IMMP1L: variants seen among roughly 807,000 people sequenced by gnomAD.
IMMP1L encodes inner mitochondrial membrane peptidase subunit 1.
In IMMP1L, 24 loss-of-function variants were observed where a neutral mutation model predicts 21.8. That is an observed-to-expected ratio of 1.10 (90% CI 0.80 to 1.55). The LOEUF (loss-of-function observed/expected upper bound fraction) is 1.55. Ranked by LOEUF, IMMP1L falls within the 40% of genes most tolerant of loss-of-function variation. IMMP1L has a pLI of 0.00. For synonymous variants in IMMP1L, 46 were observed against 62.8 expected, an observed-to-expected ratio of 0.73 and a Z score of 1.26; for missense variants, 195 against 200.7, an observed-to-expected ratio of 0.97 and a Z score of 0.17.
intron 4 of IMMP1L, among the ~76,000 whole-genome samples, chr11:31,445,885 C>T (rs1953501035): frequency 6.6e-6 from 1 of 152,130 alleles, no homozygotes; most frequent in South Asian, 2.1e-4. Flanking sequence ...CGCATCAAAA[C>T]ACTGTTTTGA....
At chr11:31,497,760 TTTC>T (rs1285250948) in intron 1 of IMMP1L, among the ~76,000 whole-genome samples, 1 of 152,228 alleles carries the variant, frequency 6.6e-6, no homozygotes, top group African/African-American at 2.4e-5. Context: ...GGGTACAATA[TTTC>T]TTCTTGAATG....
intron 4 of IMMP1L, among the ~76,000 whole-genome samples, chr11:31,451,678 G>C (rs1953763191): frequency 6.6e-6 from 1 of 152,066 alleles, no homozygotes. Context: ...GAAGATATTA[G>C]ACAATTAGAC....
intron 1 of IMMP1L, among the ~76,000 whole-genome samples, chr11:31,467,882 A>T (rs1479106714): frequency 6.6e-6 from 1 of 151,836 alleles, no homozygotes; most frequent in Non-Finnish European, 1.5e-5. Context: ...GCATACTGAT[A>T]TCATGTGGCC....
chr11:31,497,781 A>G (rs575782374), intron 1 of IMMP1L, among the ~76,000 whole-genome samples: 4 of 152,210 alleles, frequency 2.6e-5, no homozygotes, highest in Non-Finnish European at 5.9e-5. Flanking sequence ...ATGATGAAAA[A>G]GTTTTAGAAA....
At chr11:31,435,430 A>C (rs1337060526) in intron 4 of IMMP1L, among the ~76,000 whole-genome samples, 1 of 152,222 alleles carries the variant, frequency 6.6e-6, no homozygotes, top group African/African-American at 2.4e-5. Context: ...TACCAGAATA[A>C]ACCAACAGGC....
chr11:31,460,962 C>A (rs1238106938), intron 2 of IMMP1L, among the ~76,000 whole-genome samples: 1 of 152,086 alleles, frequency 6.6e-6, no homozygotes, highest in East Asian at 1.9e-4. Context: ...AACAACATTA[C>A]CTATGTTTCC....
intron 1 of IMMP1L, among the ~76,000 whole-genome samples, chr11:31,496,091 A>C (rs1218861979): frequency 1.3e-5 from 2 of 150,760 alleles, no homozygotes; most frequent in Non-Finnish European, 2.9e-5. Flanking sequence ...GAATATATAA[A>C]GAACTCCTAT....
At chr11:31,473,644 C>A (rs1954639525) in intron 1 of IMMP1L, 1 of 447,238 alleles carries the variant, frequency 2.2e-6, no homozygotes, top group Non-Finnish European at 3.0e-6. Context: ...ATTAGAGATT[C>A]CTCCATCTTT....
chr11:31,465,615 C>T (rs917430280), intron 1 of IMMP1L, among the ~76,000 whole-genome samples: 1 of 151,842 alleles, frequency 6.6e-6, no homozygotes, highest in African/African-American at 2.4e-5. Flanking sequence ...CAATGGGACA[C>T]AATAGAGAAC....
At chr11:31,444,589 T>C (rs1468340162) in intron 4 of IMMP1L, among the ~76,000 whole-genome samples, 1 of 140,654 alleles carries the variant, frequency 7.1e-6, no homozygotes, top group African/African-American at 2.6e-5. Flanking sequence ...ATTTCTATTC[T>C]TTTTTTTTTT....
Position 31,463,320 on chromosome 11 carries a change from C to A in IMMP1L, c.-29-15G>T. 2 of 1,561,594 alleles carry A rather than the reference C, an allele frequency of 1.3e-6. No homozygotes were observed. The highest frequency in any genetic ancestry group is 1.7e-6 in the Non-Finnish European group (2 of 1,162,184). The stretch of plus-strand genomic sequence containing the variant: ...CCACCATTGGCCTGATGGTAAATTT[C>A]AAAAAGTTTCATGATCAATACTATT... On this transcript the variant is annotated splice_polypyrimidine_tract_variant and intron_variant, in intron 1 of 5. Coordinates refer to ENST00000532287, the MANE Select transcript of IMMP1L (RefSeq NM_001304274.2).
Position 31,446,831 on chromosome 11 carries a change from A to G in IMMP1L, c.321+9429T>C, listed in dbSNP as rs118046541. Among the ~76,000 whole-genome samples the G allele has an allele frequency of 4.7e-3, 712 of 152,308 alleles. 5 individuals are homozygous for G. The highest frequency in any genetic ancestry group is 8.0e-3 in the Non-Finnish European group (541 of 68,032). On this transcript the variant is annotated intron_variant, in intron 4 of 5. Coordinates refer to ENST00000532287, the MANE Select transcript of IMMP1L (RefSeq NM_001304274.2). ...CACCTGTGCCTAATTCTATTATACT[A>G]TACTGTAATTTCATCTATTCCTCCA...
chr11:31,462,423 T>TAA (rs199758188), intron 2 of IMMP1L, among the ~76,000 whole-genome samples: 9 of 144,532 alleles, frequency 6.2e-5, no homozygotes, highest in African/African-American at 2.3e-4. Flanking sequence ...AAACCTAATT[T>TAA]AAAAAAAAAA....
chr11:31,481,570 C>T (rs1954891770), intron 1 of IMMP1L, among the ~76,000 whole-genome samples: 1 of 151,674 alleles, frequency 6.6e-6, no homozygotes, highest in African/African-American at 2.4e-5. Flanking sequence ...TAATAATATA[C>T]ATTATGGACA....
chr11:31,509,382 ATCC>A lies in IMMP1L; in HGVS notation c.-30+134_-30+136del, dbSNP rs142691050. The A allele has an allele frequency of 4.9e-3, 898 of 181,630 alleles. 12 individuals are homozygous for A. The highest frequency in any genetic ancestry group is 0.02 in the African/African-American group (861 of 43,224). 11.3% of individuals were successfully genotyped at this position (181,630 alleles called of 1,614,324 possible). ...AGATAAATGAGCAGGAAAAAAGTCT[ATCC>A]TCACACACAGCGGAGAAAGGTGCTA... On this transcript the variant is annotated intron_variant, in intron 1 of 5. Coordinates refer to ENST00000532287, the MANE Select transcript of IMMP1L (RefSeq NM_001304274.2).
chr11:31,450,746 C>T (rs375463010), intron 4 of IMMP1L, among the ~76,000 whole-genome samples: 227 of 152,184 alleles, frequency 1.5e-3, no homozygotes, highest in Non-Finnish European at 2.2e-3. Context: ...TAACATCATG[C>T]ATTTACTTGG....
At chr11:31,444,435 G>C (rs759113465) in intron 4 of IMMP1L, among the ~76,000 whole-genome samples, 1 of 151,918 alleles carries the variant, frequency 6.6e-6, no homozygotes, top group African/African-American at 2.4e-5. Context: ...TATAGCTCTG[G>C]TGTTACCCAA....
intron 4 of IMMP1L, among the ~76,000 whole-genome samples, chr11:31,441,709 A>G (rs180775607): frequency 6.6e-6 from 1 of 152,306 alleles, no homozygotes; most frequent in Non-Finnish European, 1.5e-5. Context: ...TTATAATAAT[A>G]AAATATGAAG....
chr11:31,445,291 C>T (rs368970944), intron 4 of IMMP1L, among the ~76,000 whole-genome samples: 2 of 152,070 alleles, frequency 1.3e-5, no homozygotes, highest in African/African-American at 4.8e-5. Flanking sequence ...ATGTTTCCAC[C>T]AAAAGTTTTA....
Sources: gnomAD v4.1 joint callset for allele counts (sites outside exome capture counted in the v4.1 genomes callset) on GRCh38, gnomAD v4.1.1 for gene constraint, MANE v1.5 for transcripts, NCBI Gene and HGNC (gene_info 2026-07-23, HGNC 2026-07-21) for gene names.